Variants in KCTD16 observed in about 807,000 individuals in gnomAD.
KCTD16 encodes BTB/POZ domain-containing protein KCTD16.
A neutral mutation model predicts 33.2 loss-of-function variants in KCTD16; 13 were observed. The observed-to-expected ratio is 0.39, with a 90% CI of 0.25 to 0.62. The LOEUF (loss-of-function observed/expected upper bound fraction) is 0.62, where lower values mean the gene tolerates loss of function less well. Among genes scored for constraint, KCTD16 ranks in the 20% least tolerant of loss-of-function variants. KCTD16 has a pLI of 0.50. For missense variants in KCTD16, 441 were observed against 525.1 expected, an observed-to-expected ratio of 0.84 and a Z score of 1.57; for synonymous variants, 197 against 195.3, an observed-to-expected ratio of 1.01 and a Z score of -0.07.
At chr5:144,424,135 T>A (rs539520121) in intron 3 of KCTD16, among the ~76,000 whole-genome samples, 22 of 152,302 alleles carry the variant, frequency 1.4e-4, no homozygotes, top group Admixed American at 6.5e-4. Context: ...CTCTACCACA[T>A]CAAGCTTCTC....
chr5:144,208,854 T>A (rs1387260059), intron 3 of KCTD16, among the ~76,000 whole-genome samples: 5 of 152,250 alleles, frequency 3.3e-5, no homozygotes, highest in Admixed American at 2.6e-4. Flanking sequence ...TGATGTGCGA[T>A]AACAAACATC....
chr5:144,381,531 A>G (rs1030962126), intron 3 of KCTD16, among the ~76,000 whole-genome samples: 1 of 152,184 alleles, frequency 6.6e-6, no homozygotes, highest in Non-Finnish European at 1.5e-5. Flanking sequence ...GAAGTTTACA[A>G]TCATGATGGA....
chr5:144,389,233 C>T (rs1338096376), intron 3 of KCTD16, among the ~76,000 whole-genome samples: 3 of 152,192 alleles, frequency 2.0e-5, no homozygotes, highest in Admixed American at 1.3e-4. Flanking sequence ...GGCCACGGAC[C>T]AGTAGCAGTT....
intron 3 of KCTD16, among the ~76,000 whole-genome samples, chr5:144,345,755 A>C (rs781169329): frequency 6.6e-6 from 1 of 152,162 alleles, no homozygotes; most frequent in Admixed American, 6.6e-5. Flanking sequence ...TTTTTGGGGT[A>C]CATGAGATGC....
chr5:144,342,231 T>C (rs1342434343), intron 3 of KCTD16, among the ~76,000 whole-genome samples: 1 of 152,198 alleles, frequency 6.6e-6, no homozygotes. Flanking sequence ...TCCATTTGTT[T>C]GTATCCTGTT....
intron 3 of KCTD16, among the ~76,000 whole-genome samples, chr5:144,341,361 A>G (rs1278818400): frequency 6.6e-6 from 1 of 152,084 alleles, no homozygotes; most frequent in Non-Finnish European, 1.5e-5. Context: ...TCCAAATCAG[A>G]CATATATATG....
chr5:144,283,705 C>T (rs1755667456), intron 3 of KCTD16, among the ~76,000 whole-genome samples: 1 of 152,112 alleles, frequency 6.6e-6, no homozygotes, highest in South Asian at 2.1e-4. Context: ...GACAGAAATT[C>T]CTTGATGGAA....
intron 3 of KCTD16, among the ~76,000 whole-genome samples, chr5:144,363,990 GT>G (rs5871879): frequency 0.035 from 5,369 of 151,910 alleles, 132 homozygotes; most frequent in African/African-American, 0.072. Context: ...ATTCAATTCA[GT>G]TTTTTTTGTG....
intron 3 of KCTD16, among the ~76,000 whole-genome samples, chr5:144,336,477 C>G (rs1752497457): frequency 6.6e-6 from 1 of 152,220 alleles, no homozygotes; most frequent in African/African-American, 2.4e-5. Context: ...CTAATGTCAT[C>G]TTTTACTTCT....
At chr5:144,413,000 C>G (rs542641072) in intron 3 of KCTD16, among the ~76,000 whole-genome samples, 1 of 152,238 alleles carries the variant, frequency 6.6e-6, no homozygotes, top group African/African-American at 2.4e-5. Context: ...TTGAATGTTT[C>G]TAGCATAAAG....
At chr5:144,177,683 TCATGTTGGTTTAGCACCTA>T (rs924552079) in intron 2 of KCTD16, among the ~76,000 whole-genome samples, 6 of 152,120 alleles carry the variant, frequency 3.9e-5, no homozygotes, top group African/African-American at 1.2e-4. Flanking sequence ...AGAGCACGAG[TCATGTTGGTTTAGCACCTA>T]CCCAGATGAC....
rs1754790635 is a variant in KCTD16 at position 144,485,667 on chromosome 5, T to A, written c.*11553T>A. Reference sequence around the variant, plus strand: ...ATGCATTGTAATTTAGCACAAATCATAATAAATCATTTGGTAACATTTAGT... The same window carrying A: ...ATGCATTGTAATTTAGCACAAATCAAAATAAATCATTTGGTAACATTTAGT... On this transcript the variant is annotated 3_prime_UTR_variant, in exon 4 of 4. Transcript: ENST00000512467. The A allele has an allele frequency of 6.6e-6, 1 of 151,972 alleles. No individual in the cohort carries two copies. The highest frequency in any genetic ancestry group is 2.1e-4 in the South Asian group (1 of 4,832). The allele number at this position is 151,972 out of a possible 1,614,324, so 9.4% of individuals were successfully genotyped here.
intron 3 of KCTD16, among the ~76,000 whole-genome samples, chr5:144,460,346 A>T (rs1233608426): frequency 6.6e-6 from 1 of 152,190 alleles, no homozygotes; most frequent in Non-Finnish European, 1.5e-5. Context: ...TGGCCATGGC[A>T]TCTGAACATT....
chr5:144,186,870 T>C (rs1381616848), intron 2 of KCTD16, among the ~76,000 whole-genome samples: 3 of 152,186 alleles, frequency 2.0e-5, no homozygotes, highest in African/African-American at 7.2e-5. Flanking sequence ...GATCCATCTA[T>C]TCATTCAGTA....
intron 3 of KCTD16, among the ~76,000 whole-genome samples, chr5:144,394,438 T>G (rs886421764): frequency 1.5e-4 from 23 of 152,302 alleles, no homozygotes; most frequent in African/African-American, 5.1e-4. Flanking sequence ...GCAACACAAA[T>G]GAATCATTGT....
intron 3 of KCTD16, among the ~76,000 whole-genome samples, chr5:144,355,116 C>T (rs896685995): frequency 3.9e-5 from 6 of 152,110 alleles, no homozygotes; most frequent in Non-Finnish European, 8.8e-5. Flanking sequence ...ACATCTAGAA[C>T]ATTCTGGAGC....
At chr5:144,322,017 T>TTTTTGCTGTATTAGCAAAATAAAAAA (rs1776738560) in intron 3 of KCTD16, among the ~76,000 whole-genome samples, 1 of 152,150 alleles carries the variant, frequency 6.6e-6, no homozygotes, top group Admixed American at 6.6e-5. Flanking sequence ...CAAAATAAAG[T>TTTTTGCTGTATTAGCAAAATAAAAAA]ATTTGCTAAT....
chr5:144,181,021 C>T (rs1752612689), intron 2 of KCTD16, among the ~76,000 whole-genome samples: 2 of 152,044 alleles, frequency 1.3e-5, no homozygotes, highest in African/African-American at 2.4e-5. Flanking sequence ...CAAGCTCCGC[C>T]TCCCGGGTTC....
At chr5:144,202,942 G>A (rs1488700916) in intron 2 of KCTD16, among the ~76,000 whole-genome samples, 1 of 152,088 alleles carries the variant, frequency 6.6e-6, no homozygotes, top group Admixed American at 6.5e-5. Flanking sequence ...GAGGAATTCT[G>A]CTTATGTGAA....
Sources: allele counts gnomAD v4.1 joint callset (sites outside exome capture counted in the v4.1 genomes callset), GRCh38; gene constraint gnomAD v4.1.1; transcripts MANE v1.5; gene names NCBI Gene and HGNC (gene_info 2026-07-23, HGNC 2026-07-21).